HSDL2: variants seen among roughly 807,000 people sequenced by gnomAD.
HSDL2 encodes hydroxysteroid dehydrogenase-like protein 2.
HSDL2 carries 27 observed loss-of-function variants against 46.3 expected under a neutral mutation model. The ratio of observed to expected loss-of-function variants is 0.58; its 90% confidence interval spans 0.43 to 0.80. The LOEUF (loss-of-function observed/expected upper bound fraction) is 0.80, where lower values mean the gene tolerates loss of function less well. Among genes scored for constraint, HSDL2 ranks in the 30% least tolerant of loss-of-function variants. The pLI, the probability that HSDL2 is intolerant of heterozygous loss-of-function variation, is 0.00. For synonymous variants in HSDL2, 153 were observed against 163.6 expected (o/e 0.94, Z 0.50); for missense variants, 451 against 502.7 (o/e 0.90, Z 0.98).
chr9:112,389,244 C>T lies in HSDL2; in HGVS notation c.17+9064C>T, dbSNP rs75058039. 6.4e-3 allele frequency among the ~76,000 whole-genome samples: 976 copies of T among 152,112 alleles called. 14 individuals are homozygous for T. The highest frequency in any genetic ancestry group is 0.023 in the African/African-American group (937 of 41,480). On this transcript the variant is annotated intron_variant, in intron 1 of 10. Coordinates refer to ENST00000398805, the MANE Select transcript of HSDL2 (RefSeq NM_032303.5). Reference sequence around the variant, plus strand: ...CTCACTATGTTGCCCTGGCTGGTTTCGACTTCTGGGCTCAAGTGATCCCCG... The same window carrying T: ...CTCACTATGTTGCCCTGGCTGGTTTTGACTTCTGGGCTCAAGTGATCCCCG...
intron 4 of HSDL2, among the ~76,000 whole-genome samples, chr9:112,415,780 A>G (rs999548180): frequency 6.6e-6 from 1 of 152,194 alleles, no homozygotes; most frequent in African/African-American, 2.4e-5. Context: ...AAAGCAAACA[A>G]AAGTACCCTA....
At chr9:112,457,626 C>G (rs1833069875) in intron 9 of HSDL2, among the ~76,000 whole-genome samples, 1 of 152,140 alleles carries the variant, frequency 6.6e-6, no homozygotes, top group African/African-American at 2.4e-5. Context: ...GCCTAGGCAA[C>G]AGAGCAAGAC....
intron 10 of HSDL2, among the ~76,000 whole-genome samples, chr9:112,465,069 T>C (rs916663871): frequency 6.6e-6 from 1 of 152,256 alleles, no homozygotes; most frequent in Non-Finnish European, 1.5e-5. Context: ...TAGTAGCATG[T>C]ATTAGTATTT....
intron 6 of HSDL2, among the ~76,000 whole-genome samples, chr9:112,427,023 GATT>G (rs943460541): frequency 1.8e-4 from 28 of 151,998 alleles, no homozygotes; most frequent in Middle Eastern, 3.4e-3. Context: ...AACCTCACCA[GATT>G]ATTATTATAT....
At chr9:112,437,284 A>G (rs1360044493) in intron 6 of HSDL2, among the ~76,000 whole-genome samples, 1 of 152,038 alleles carries the variant, frequency 6.6e-6, no homozygotes, top group Non-Finnish European at 1.5e-5. Context: ...TCTACAAAAC[A>G]GTGTTGTGTG....
chr9:112,447,358 T>C (rs1035110394), intron 8 of HSDL2, among the ~76,000 whole-genome samples: 1 of 152,176 alleles, frequency 6.6e-6, no homozygotes, highest in African/African-American at 2.4e-5. Context: ...ATCCAGGTGA[T>C]AAATTATGCA....
At chr9:112,431,420 A>C (rs965756561) in intron 6 of HSDL2, among the ~76,000 whole-genome samples, 1 of 152,150 alleles carries the variant, frequency 6.6e-6, no homozygotes, top group Non-Finnish European at 1.5e-5. Flanking sequence ...CCCACATAGG[A>C]GAGTAAGGTA....
chr9:112,430,033 G>A (rs530034135), intron 6 of HSDL2, among the ~76,000 whole-genome samples: 7 of 151,802 alleles, frequency 4.6e-5, no homozygotes, highest in African/African-American at 1.2e-4. Context: ...GCAGTGAGCC[G>A]TGATCATACC....
intron 4 of HSDL2, among the ~76,000 whole-genome samples, chr9:112,415,763 A>C (rs1831976156): frequency 6.6e-6 from 1 of 152,158 alleles, no homozygotes; most frequent in Non-Finnish European, 1.5e-5. Context: ...TTCTGTCTTA[A>C]TTCTAGAAAG....
chr9:112,469,350 T>A (rs1314078741), intron 10 of HSDL2, among the ~76,000 whole-genome samples: 3 of 152,058 alleles, frequency 2.0e-5, no homozygotes, highest in African/African-American at 7.2e-5. Flanking sequence ...ATATTGTGCC[T>A]TCTAGAAGAT....
intron 10 of HSDL2, among the ~76,000 whole-genome samples, chr9:112,465,313 G>C (rs969448966): frequency 1.3e-5 from 2 of 152,080 alleles, no homozygotes; most frequent in Non-Finnish European, 2.9e-5. Flanking sequence ...ATTTTTAGTA[G>C]AGACAGAATT....
At chr9:112,449,637 G>A (rs1266480249) in intron 8 of HSDL2, among the ~76,000 whole-genome samples, 1 of 152,044 alleles carries the variant, frequency 6.6e-6, no homozygotes, top group East Asian at 1.9e-4. Flanking sequence ...GCTGAGGCAG[G>A]CGGATTGTCT....
chr9:112,405,243 T>A (rs1040370488), intron 2 of HSDL2, among the ~76,000 whole-genome samples: 5 of 152,122 alleles, frequency 3.3e-5, no homozygotes, highest in African/African-American at 1.2e-4. Context: ...TCCCAGCTAC[T>A]TGGGAAGCTG....
intron 8 of HSDL2, among the ~76,000 whole-genome samples, chr9:112,448,241 T>C (rs879885346): frequency 6.6e-6 from 1 of 152,248 alleles, no homozygotes; most frequent in Non-Finnish European, 1.5e-5. Flanking sequence ...ATAATGTCTT[T>C]CAAGGATGAT....
chr9:112,436,801 G>C (rs1262045144), intron 6 of HSDL2, among the ~76,000 whole-genome samples: 1 of 152,008 alleles, frequency 6.6e-6, no homozygotes, highest in East Asian at 1.9e-4. Context: ...ACTGTTAATT[G>C]TAGAGTTTAA....
intron 8 of HSDL2, among the ~76,000 whole-genome samples, chr9:112,448,610 A>T (rs1005558365): frequency 2.6e-5 from 4 of 151,580 alleles, no homozygotes; most frequent in Non-Finnish European, 4.4e-5. Flanking sequence ...GTGCAGCGGC[A>T]TTTTCTTCTT....
chr9:112,449,250 C>CTAATTTTTTTT (rs1354751170), intron 8 of HSDL2, among the ~76,000 whole-genome samples: 1 of 151,812 alleles, frequency 6.6e-6, no homozygotes, highest in Non-Finnish European at 1.5e-5. Context: ...CCATGCCCAG[C>CTAATTTTTTTT]TAATTTTTGT....
intron 6 of HSDL2, among the ~76,000 whole-genome samples, chr9:112,421,801 C>A (rs1036583221): frequency 5.9e-5 from 9 of 152,152 alleles, no homozygotes; most frequent in African/African-American, 2.2e-4. Flanking sequence ...GAATTCATGT[C>A]CCTGCCGTCC....
chr9:112,470,935 A>G lies in HSDL2; in HGVS notation c.*391A>G, dbSNP rs1833559883. 6.5e-6 allele frequency: 1 copy of G among 153,154 alleles called. No individual in the cohort carries two copies. The highest frequency in any genetic ancestry group is 1.5e-5 in the Non-Finnish European group (1 of 68,706). The allele number at this position is 153,154 out of a possible 1,614,324, so 9.5% of individuals were successfully genotyped here. A position where few individuals can be genotyped will look rare whatever the true frequency, so the allele number is the denominator to read the frequency against. ...TTTAAAATTTTTAGTTTTGGATTGTATACTAATGAAAATCTTAATGATGTT... is the reference window on the plus strand; with the variant it reads ...TTTAAAATTTTTAGTTTTGGATTGTGTACTAATGAAAATCTTAATGATGTT... On this transcript the variant is annotated 3_prime_UTR_variant, in exon 11 of 11. Transcript: ENST00000398805.
Sources: gnomAD v4.1 joint callset for allele counts (sites outside exome capture counted in the v4.1 genomes callset) on GRCh38, gnomAD v4.1.1 for gene constraint, MANE v1.5 for transcripts, NCBI Gene and HGNC (gene_info 2026-07-23, HGNC 2026-07-21) for gene names.